The following CXADR variants were observed in gnomAD, a reference collection of about 807,000 sequenced individuals.
The protein encoded by CXADR is CXADR cell adhesion molecule.
Under a neutral mutation model 40.3 loss-of-function variants are expected in CXADR, and 20 were observed. That is an observed-to-expected ratio of 0.50 (90% CI 0.35 to 0.72). CXADR has a LOEUF of 0.72. CXADR is among the 30% of genes least tolerant of loss of function. The probability of loss-of-function intolerance (pLI) is 0.01; values close to 1 mark genes in which losing one functional copy is unlikely to be tolerated. For synonymous variants in CXADR, 150 were observed against 161.3 expected (o/e 0.93, Z 0.53); for missense variants, 332 against 449.1 (o/e 0.74, Z 2.36).
intron 3 of CXADR, among the ~76,000 whole-genome samples, chr21:17,557,471 A>G (rs1372032258): frequency 2.0e-5 from 3 of 152,200 alleles, no homozygotes; most frequent in Non-Finnish European, 1.5e-5. Flanking sequence ...GTCCAGTGGC[A>G]TTCCGTGGTT....
intron 3 of CXADR, among the ~76,000 whole-genome samples, chr21:17,557,117 G>T (rs1010932518): frequency 6.6e-6 from 1 of 152,106 alleles, no homozygotes; most frequent in Non-Finnish European, 1.5e-5. Context: ...CTGAAAAAAT[G>T]AAAATCAGCT....
At chr21:17,570,342 C>T (rs1394206865), downstream of CXADR, among the ~76,000 whole-genome samples, 1 of 152,160 alleles carries the variant, frequency 6.6e-6, no homozygotes, top group Non-Finnish European at 1.5e-5. Context: ...GGGTTGAAAC[C>T]TCCAACGTTC....
At chr21:17,548,498 C>G (rs184331026) in intron 2 of CXADR, among the ~76,000 whole-genome samples, 75 of 152,328 alleles carry the variant, frequency 4.9e-4, no homozygotes, top group African/African-American at 1.7e-3. Context: ...TCTCCCTTCT[C>G]TCTCTCTGGA....
chr21:17,543,044 A>G, intron 1 of CXADR: 1 of 374,046 alleles, frequency 2.7e-6, no homozygotes, highest in South Asian at 2.1e-5. Flanking sequence ...AGTGAAGAGG[A>G]ATTGAAGGCT....
At chr21:17,603,230 G>A in the CXADR span, among the ~76,000 whole-genome samples, 4 of 152,176 alleles carry the variant, frequency 2.6e-5, no homozygotes, top group East Asian at 3.8e-4. Context: ...CACAGGTTCA[G>A]TGGCCAAAGT....
At chr21:17,560,016 G>A (rs1691321) in intron 4 of CXADR, among the ~76,000 whole-genome samples, 3 of 151,672 alleles carry the variant, frequency 2.0e-5, no homozygotes, top group African/African-American at 7.3e-5. Context: ...TTACAACTTA[G>A]ATGGTGGCTA....
At chr21:17,593,105 GA>G in intron 7 of CXADR, 1 of 1,303,364 alleles carries the variant, frequency 7.7e-7, no homozygotes, top group Non-Finnish European at 9.9e-7. Context: ...TACCTTTGGA[GA>G]AAAATCAAAA....
intron 1 of CXADR, among the ~76,000 whole-genome samples, chr21:17,519,976 T>TACAC (rs71966376): frequency 1.1e-4 from 17 of 150,134 alleles, no homozygotes; most frequent in African/African-American, 3.2e-4. Flanking sequence ...ATTATATGTA[T>TACAC]ACACACACAC....
chr21:17,580,020 G>A (rs1351517517), intron 7 of CXADR, among the ~76,000 whole-genome samples: 1 of 152,056 alleles, frequency 6.6e-6, no homozygotes. Flanking sequence ...ATGGGATCTT[G>A]CTATGTTATC....
chr21:17,609,100 T>C, the CXADR span: 2 of 1,613,830 alleles, frequency 1.2e-6, no homozygotes, highest in Non-Finnish European at 1.7e-6. Flanking sequence ...GTTTTCGAAC[T>C]AGCCTTGTGA....
chr21:17,598,607 T>C, the CXADR span: 12 of 1,612,308 alleles, frequency 7.4e-6, no homozygotes, highest in Admixed American at 2.0e-4. Context: ...TGAGCTGTTT[T>C]CATGGTTACC....
At position 17,569,501 on chromosome 21, in the gene CXADR, T is replaced by G; in HGVS notation, c.*3809T>G. 1.0e-6 allele frequency: 1 copy of G among 985,310 alleles called. No homozygotes were observed. Among genetic ancestry groups the G allele is most frequent in the Middle Eastern group, 5.2e-4 (1 of 1,912 alleles). The allele number at this position is 985,310 out of a possible 1,614,324, so 61.0% of individuals were successfully genotyped here. A position where few individuals can be genotyped will look rare whatever the true frequency, so the allele number is the denominator to read the frequency against. On this transcript the variant is annotated 3_prime_UTR_variant, in exon 7 of 7. Transcript: ENST00000284878. ...GCATCATGTTCTGCAATAGGATTTC[T>G]TACTCATTTACCTATTTTAACACTA...
intron 3 of CXADR, 49 bp downstream of exon 3, chr21:17,552,002 T>A: frequency 7.2e-7 from 1 of 1,380,778 alleles, no homozygotes; most frequent in Non-Finnish European, 1.0e-6. Context: ...AGAGAATGAT[T>A]AGTCATAGTA....
Position 17,589,630 on chromosome 21 carries a change from A to G in CXADR, c.1018-3522A>G, listed in dbSNP as rs2123402716. ...TTTTAATGGCTACATGGTATTTTCC[A>G]CAGCATTTCCTTGAACAGATGTTCA... On this transcript the variant is annotated intron_variant, in intron 7 of 7. Transcript: ENST00000400169. Among the ~76,000 whole-genome samples, 3 of 151,868 alleles carry G rather than the reference A, an allele frequency of 2.0e-5. No individual in the cohort carries two copies. The Middle Eastern group carries it at 0.01, about 517-fold the overall frequency.
downstream of CXADR, among the ~76,000 whole-genome samples, chr21:17,598,375 T>C (rs1311927418): frequency 1.3e-5 from 2 of 152,220 alleles, no homozygotes; most frequent in Non-Finnish European, 1.5e-5. Flanking sequence ...TTTTCTACTT[T>C]TTGCCAATTT....
chr21:17,636,057 G>A, the CXADR span, among the ~76,000 whole-genome samples: 14 of 152,148 alleles, frequency 9.2e-5, no homozygotes, highest in Non-Finnish European at 1.6e-4. Flanking sequence ...TGATGCCACT[G>A]TACATGGCAA....
chr21:17,546,905 C>T (rs1162709248), intron 1 of CXADR, 122 bp from the exon 2 acceptor site: 31 of 1,164,296 alleles, frequency 2.7e-5, no homozygotes, highest in East Asian at 4.8e-5. Flanking sequence ...CTCCATTCCT[C>T]GGGACCCAAA....
chr21:17,538,828 A>G (rs920418694), intron 1 of CXADR, among the ~76,000 whole-genome samples: 1 of 152,174 alleles, frequency 6.6e-6, no homozygotes, highest in Non-Finnish European at 1.5e-5. Context: ...AAAAAAATAG[A>G]TAAATAAAAG....
chr21:17,609,868 C>A, the CXADR span, among the ~76,000 whole-genome samples: 2 of 151,984 alleles, frequency 1.3e-5, no homozygotes, highest in African/African-American at 2.4e-5. Flanking sequence ...ATGGGTGAAC[C>A]TTGAACACAG....
Sources: allele counts gnomAD v4.1 joint callset (sites outside exome capture counted in the v4.1 genomes callset), GRCh38; gene constraint gnomAD v4.1.1; transcripts MANE v1.5; gene names NCBI Gene and HGNC (gene_info 2026-07-23, HGNC 2026-07-21).